Variants in TMC6 observed in about 807,000 individuals in gnomAD.
The protein encoded by TMC6 is transmembrane channel like 6.
A neutral mutation model predicts 95.4 loss-of-function variants in TMC6; 71 were observed. The ratio of observed to expected loss-of-function variants is 0.74; its 90% CI spans 0.61 to 0.91. TMC6 has a LOEUF of 0.91. Ranked by LOEUF, TMC6 falls within the 40% of genes least tolerant of loss-of-function variation. The pLI is 0.00. For missense variants in TMC6, 1,074 were observed against 1,079.1 expected (o/e 1.00, Z 0.07); for synonymous variants, 514 against 483.1 (o/e 1.06, Z -0.84).
chr17:78,120,087 T>C (rs2074333632), intron 13 of TMC6: 2 of 352,556 alleles, frequency 5.7e-6, no homozygotes, highest in Non-Finnish European at 1.1e-5. Context: ...GTTCCTCCGC[T>C]GTCTGTTCCC....
rs765461888 is a variant in TMC6, at chr17:78,109,403, A to AT, written c.*3744dup. The AT allele has an allele frequency of 2.2e-6, 1 of 455,966 alleles. No individual in the cohort carries two copies. The highest frequency in any genetic ancestry group is 1.5e-5 in the South Asian group (1 of 64,534). 28.2% of individuals were successfully genotyped at this position (455,966 alleles called of 1,614,324 possible). A position where few individuals can be genotyped will look rare whatever the true frequency, so the allele number is the denominator to read the frequency against. On this transcript the variant is annotated 3_prime_UTR_variant, in exon 20 of 20. Transcript: ENST00000590602. ...TGGAAACAAAGCTGCTTAGCTCTGC[A>AT]TATCAGTGCTTCTCGGCGGAGCTGT... is the stretch of plus-strand genomic sequence containing the variant.
chr17:78,117,830 C>T lies in TMC6; in HGVS notation c.1993G>A (p.Ala665Thr), dbSNP rs148112314. 140 of 1,607,240 alleles carry T rather than the reference C, an allele frequency of 8.7e-5. 1 individual carries two copies. In the East Asian group the frequency reaches 2.2e-3, roughly 26 times the overall value. ...LLCFPAFLGA[A>T]VFLCYAVWQV... is the part of the protein sequence containing the mutation. ...CAGACGGCGTAGCAGAGGAAGACAG[C>T]GGCGCCCAGGAAGGCGGGGAAGCAG... is the stretch of plus-strand genomic sequence containing the variant. The change falls in exon 16 of 20, where the codon GCT becomes ACT. Residue 665 changes from alanine to threonine, a missense_variant. By Grantham distance (58) the Ala-to-Thr change is moderately conservative (BLOSUM62 0). Coordinates refer to ENST00000590602, the MANE Select transcript of TMC6 (RefSeq NM_001127198.5).
At chr17:78,127,898 A>C (rs552144692) in intron 1 of TMC6, among the ~76,000 whole-genome samples, 2 of 152,022 alleles carry the variant, frequency 1.3e-5, no homozygotes, top group East Asian at 3.9e-4. Flanking sequence ...CTCCAGCAGG[A>C]GCAAAGACGT....
chr17:78,120,871 A>T, intron 12 of TMC6, 39 bp from the exon 13 acceptor site: 1 of 1,610,698 alleles, frequency 6.2e-7, no homozygotes, highest in Middle Eastern at 1.7e-4. Flanking sequence ...GGGCGGGTAC[A>T]GGGGACAGAA....
chr17:78,125,093 C>T (rs372916163), intron 6 of TMC6, 65 bp downstream of exon 6: 4 of 1,543,542 alleles, frequency 2.6e-6, no homozygotes. Flanking sequence ...CACCACCTAG[C>T]CCAGCTGAGG....
In TMC6 at chr17:78,117,891, C is replaced by A; in HGVS notation, c.1932G>T (p.Leu644=). 6.2e-7 allele frequency: 1 copy of A among 1,606,270 alleles called. No individual in the cohort carries two copies. The highest frequency in any genetic ancestry group is 8.5e-7 in the Non-Finnish European group (1 of 1,176,980). The change falls in exon 16 of 20, where the codon CTG becomes CTT. Residue 644 remains leucine (L), a synonymous_variant. Coordinates refer to ENST00000590602, the MANE Select transcript of TMC6 (RefSeq NM_001127198.5). ...ANCQAPRRPW[L]ASHMSTVFLT... Reference sequence around the variant, plus strand: ...GGAAGACGGTGCTCATGTGTGAGGCCAGCCAGGGCCGGCGCGGCGCCTGGC... The same window carrying A: ...GGAAGACGGTGCTCATGTGTGAGGCAAGCCAGGGCCGGCGCGGCGCCTGGC...
Position 78,122,562 on chromosome 17 carries a change from C to A in TMC6, c.1227+43G>T. On this transcript the variant is annotated intron_variant, in intron 10 of 19. Transcript: ENST00000590602. This position sits in a 1 kb window ranked among gnomAD's most constrained non-coding sequence, Gnocchi z 4.9. Reference sequence around the variant, plus strand: ...CTAAGTGGACCCAGGGCCAGGCCTGCAGGGAGCTGGGCAGGCCAGCTTGGT... The same window carrying A: ...CTAAGTGGACCCAGGGCCAGGCCTGAAGGGAGCTGGGCAGGCCAGCTTGGT... 1 of 1,602,594 alleles carries A rather than the reference C, an allele frequency of 6.2e-7. No homozygotes were observed. Among genetic ancestry groups the A allele is most frequent in the Non-Finnish European group, 8.5e-7 (1 of 1,179,482 alleles).
chr17:78,132,166 C>T (rs1425821167), upstream of TMC6: 4 of 1,438,068 alleles, frequency 2.8e-6, no homozygotes. Flanking sequence ...CCCTCCCACC[C>T]CTTCCGCCCG....
Position 78,121,109 on chromosome 17 carries a change from C to G in TMC6, c.1439G>C (p.Gly480Ala). The G allele has an allele frequency of 6.2e-7, 1 of 1,611,670 alleles. No individual in the cohort carries two copies. ...GTAGGGGGCCCCCAGGTTGAGGAGG[C>G]CAACCACCAGGGGCAGGACCAGCAG... is the stretch of plus-strand genomic sequence containing the variant. Reference protein sequence around the residue: ...AVLLVLPLVVGLLNLGAPYLC... With the variant: ...AVLLVLPLVVALLNLGAPYLC... The change falls in exon 12 of 20, where the codon GGC (glycine) becomes GCC (alanine). Residue 480 changes from glycine to alanine, a missense_variant. Physicochemically the swap from Gly to Ala is moderately conservative, Grantham distance 60. Transcript: ENST00000590602. The surrounding 1 kb of genome is among the most constrained non-coding windows in gnomAD (Gnocchi z 5.6).
Position 78,122,007 on chromosome 17 carries a change from G to T in TMC6, c.1228-296C>A, listed in dbSNP as rs544608372. ...CCCAGCCCTGCCCGCTGGGGCAGGGGCCTTGCTCAGAGGTCCTTTCCTGTT... is the reference window on the plus strand; with the variant it reads ...CCCAGCCCTGCCCGCTGGGGCAGGGTCCTTGCTCAGAGGTCCTTTCCTGTT... On this transcript the variant is annotated intron_variant, in intron 10 of 19. Transcript: ENST00000590602. The surrounding 1 kb of genome is among the most constrained non-coding windows in gnomAD (Gnocchi z 4.9). Among the ~76,000 whole-genome samples, 1 of 152,260 alleles carries T rather than the reference G, an allele frequency of 6.6e-6. No homozygotes were observed. Among genetic ancestry groups the T allele is most frequent in the Admixed American group, 6.5e-5 (1 of 15,304 alleles).
Position 78,124,102 on chromosome 17 carries a change from C to T in TMC6, c.969G>A (p.Leu323=), listed in dbSNP as rs139035008. The change falls in exon 9 of 20, where the codon CTG becomes CTA. Residue 323 remains leucine, a synonymous_variant. Transcript: ENST00000590602. ...ATLNQPCGSP[L]DGSQCTPRVG... is the part of the protein sequence containing the mutation. ...CCCTGGGTGTGCACTGGCTGCCATCCAGGGGGCTGCCACACGGCTGGTTCA... is the reference window on the plus strand; with the variant it reads ...CCCTGGGTGTGCACTGGCTGCCATCTAGGGGGCTGCCACACGGCTGGTTCA... The T allele has an allele frequency of 3.4e-4, 553 of 1,613,276 alleles. 3 individuals carry two copies. In the East Asian group the frequency reaches 9.4e-3, roughly 27 times the overall value.
In TMC6 at chr17:78,109,601, G is replaced by A. The variant is rs955734077; in HGVS notation, c.*3547C>T. 8 of 454,424 alleles carry A rather than the reference G, an allele frequency of 1.8e-5. No homozygotes were observed. Among genetic ancestry groups the A allele is most frequent in the East Asian group, 7.0e-5 (1 of 14,314 alleles). The allele number at this position is 454,424 out of a possible 1,614,324, so 28.1% of individuals were successfully genotyped here. ...AGCTGTGATCGTGCCACTGTGCTCC[G>A]GGATGGGCAACAGAAAGACCCCATC... On this transcript the variant is annotated 3_prime_UTR_variant, in exon 20 of 20. Transcript: ENST00000590602.
At position 78,126,319 on chromosome 17, in the gene TMC6, C is replaced by T. The variant is rs930637410; in HGVS notation, c.229G>A (p.Ala77Thr). The change falls in exon 4 of 20, where the codon GCC becomes ACC. Residue 77 changes from alanine (A) to threonine (T), a missense_variant. Coordinates refer to ENST00000590602, the MANE Select transcript of TMC6 (RefSeq NM_001127198.5). The part of the protein sequence containing the change: ...LWRPEGTQST[A>T]TLRILASMPS... ...ATGCTGGCCAGGATGCGGAGTGTGG[C>T]CGTGCTCTGGGTGCCCTCGGGCCGC... 8.3e-6 allele frequency: 13 copies of T among 1,573,172 alleles called. No homozygotes were observed. Among genetic ancestry groups the T allele is most frequent in the Non-Finnish European group, 1.0e-5 (12 of 1,164,012 alleles).
intron 17 of TMC6, 47 bp downstream of exon 17, chr17:78,117,421 C>G: frequency 6.2e-7 from 1 of 1,611,104 alleles, no homozygotes; most frequent in Non-Finnish European, 8.5e-7. Flanking sequence ...CGGTGCAGGC[C>G]CAGCGAGGGC....
At chr17:78,123,892 AG>A in intron 9 of TMC6, 96 bp downstream of exon 9, 1 of 1,500,846 alleles carries the variant, frequency 6.7e-7, no homozygotes, top group Non-Finnish European at 9.2e-7. Flanking sequence ...GATGGACAGA[AG>A]GAAGAAAGGA....
Position 78,126,636 on chromosome 17 carries a change from G to T in TMC6, c.69C>A (p.Ser23Arg). Reference sequence around the variant, plus strand: ...CGTGCACTTCGCTTTCATCATAGGGGCTGGGGCCCTGGCTGCAGAGGGGGT... The same window carrying T: ...CGTGCACTTCGCTTTCATCATAGGGTCTGGGGCCCTGGCTGCAGAGGGGGT... ...ETPGDQGQGP[S>R]PYDESEVHDS... Residue 23 changes from serine (S) to arginine (R), a missense_variant, in exon 3 of 20, where the codon AGC becomes AGA. Transcript: ENST00000590602. 1 of 1,613,346 alleles carries T rather than the reference G, an allele frequency of 6.2e-7. No homozygotes were observed. The highest frequency in any genetic ancestry group is 8.5e-7 in the Non-Finnish European group (1 of 1,179,970).
chr17:78,118,418 T>C (rs1567987891), intron 15 of TMC6, among the ~76,000 whole-genome samples: 1 of 152,062 alleles, frequency 6.6e-6, no homozygotes, highest in Non-Finnish European at 1.5e-5. Context: ...TAGCTGGGTG[T>C]GGTGGCGGGC....
chr17:78,108,846 TTG>T lies in TMC6; in HGVS notation c.*4300_*4301del, dbSNP rs2073763091. The stretch of plus-strand genomic sequence containing the variant: ...CAGTTTCAGACCTGCCCTTTGTGGT[TTG>T]TGTTTTTGTTTGTTAATACAGGGTC... On this transcript the variant is annotated 3_prime_UTR_variant, in exon 20 of 20. Coordinates refer to ENST00000590602, the MANE Select transcript of TMC6 (RefSeq NM_001127198.5). The T allele has an allele frequency of 6.6e-6, 1 of 152,120 alleles. No individual in the cohort carries two copies. Among genetic ancestry groups the T allele is most frequent in the South Asian group, 2.1e-4 (1 of 4,830 alleles). 9.4% of individuals were successfully genotyped at this position (152,120 alleles called of 1,614,324 possible). A position where few individuals can be genotyped will look rare whatever the true frequency, so the allele number is the denominator to read the frequency against.
rs147856997 is a variant in TMC6 at position 78,122,693 on chromosome 17, G to T, written c.1139C>A (p.Ala380Asp). 8 of 1,611,794 alleles carry T rather than the reference G, an allele frequency of 5.0e-6. No individual in the cohort carries two copies. Among genetic ancestry groups the T allele is most frequent in the Non-Finnish European group, 5.9e-6 (7 of 1,179,446 alleles). ...YRVGSTSGIH[A>D]ITVFCSWDYK... The stretch of plus-strand genomic sequence containing the variant: ...GTCCCAGGAGCAGAAGACGGTGATG[G>T]CGTGGATGCCAGAGGTGCTGCCCAC... The change falls in exon 10 of 20, where the codon GCC (alanine) becomes GAC (aspartate). Residue 380 changes from alanine (A) to aspartate (D), a missense_variant. Coordinates refer to ENST00000590602, the MANE Select transcript of TMC6 (RefSeq NM_001127198.5). This position sits in a 1 kb window ranked among gnomAD's most constrained non-coding sequence, Gnocchi z 4.9.
Sources: allele counts gnomAD v4.1 joint callset (sites outside exome capture counted in the v4.1 genomes callset), GRCh38; gene constraint gnomAD v4.1.1; non-coding constraint Gnocchi (gnomAD v3.1); transcripts MANE v1.5; gene names NCBI Gene and HGNC (gene_info 2026-07-23, HGNC 2026-07-21).